The following IL1RAPL2 variants were observed in gnomAD, a reference collection of about 807,000 sequenced individuals.
IL1RAPL2 encodes the protein X-linked interleukin-1 receptor accessory protein-like 2.
In IL1RAPL2, 3 loss-of-function variants were observed where a neutral mutation model predicts 44.1. The ratio of observed to expected loss-of-function variants is 0.07; its 90% CI spans 0.03 to 0.18. The LOEUF is 0.18. IL1RAPL2 is among the 10% of genes least tolerant of loss of function. The pLI, the probability that IL1RAPL2 is intolerant of heterozygous loss-of-function variation, is 1.00. For synonymous variants in IL1RAPL2, 181 were observed against 178.8 expected, an observed-to-expected ratio of 1.01 and a Z score of -0.10; for missense variants, 391 against 496.4, an observed-to-expected ratio of 0.79 and a Z score of 2.02.
At chrX:105,363,657 A>C (rs757808896) in intron 5 of IL1RAPL2, among the ~76,000 whole-genome samples, 1 of 109,949 alleles carries the variant, frequency 9.1e-6, no homozygotes, top group Non-Finnish European at 1.9e-5. Context: ...GTGAAGTGAT[A>C]CCTCATTATG....
intron 1 of IL1RAPL2, among the ~76,000 whole-genome samples, chrX:104,571,635 A>C (rs1384038274): frequency 8.9e-6 from 1 of 112,170 alleles, no homozygotes; most frequent in Non-Finnish European, 1.9e-5. Flanking sequence ...CATGATTGTG[A>C]GGCCTCCCCA....
chrX:104,870,918 G>T (rs182671309), intron 2 of IL1RAPL2, among the ~76,000 whole-genome samples: 153 of 111,079 alleles, frequency 1.4e-3, no homozygotes, highest in South Asian at 2.7e-3. Context: ...TTATTGGTAA[G>T]TGACACCAGG....
chrX:105,723,091 T>C (rs1248585312), intron 7 of IL1RAPL2, among the ~76,000 whole-genome samples: 1 of 111,395 alleles, frequency 9.0e-6, no homozygotes, highest in East Asian at 2.8e-4. Flanking sequence ...CATTTTACCA[T>C]AGGCAATCCA....
At chrX:105,572,743 T>C (rs2037023827) in intron 6 of IL1RAPL2, among the ~76,000 whole-genome samples, 1 of 111,994 alleles carries the variant, frequency 8.9e-6, no homozygotes, top group Non-Finnish European at 1.9e-5. Flanking sequence ...TGCACTACAA[T>C]GGCAGTGTTG....
At chrX:104,956,563 G>T (rs913985354) in intron 2 of IL1RAPL2, among the ~76,000 whole-genome samples, 3 of 108,532 alleles carry the variant, frequency 2.8e-5, no homozygotes, top group African/African-American at 1.0e-4. Flanking sequence ...GCTTGAACCT[G>T]CGAGGTGGAG....
chrX:104,585,385 ATTATATATAATATATAAT>A (rs1314266011), intron 1 of IL1RAPL2, among the ~76,000 whole-genome samples: 510 of 27,763 alleles, frequency 0.018, 90 homozygotes, highest in African/African-American at 0.12. Context: ...TATAATATAT[ATTATATATAATATATAAT>A]ATATATATAA....
intron 2 of IL1RAPL2, among the ~76,000 whole-genome samples, chrX:104,829,452 G>A (rs1443742845): frequency 7.2e-5 from 8 of 111,687 alleles, no homozygotes; most frequent in African/African-American, 2.3e-4. Context: ...GCTCTCCATG[G>A]GCTGCACTCA....
chrX:105,000,840 C>T (rs1400248497), intron 2 of IL1RAPL2, among the ~76,000 whole-genome samples: 2 of 111,214 alleles, frequency 1.8e-5, no homozygotes, highest in Non-Finnish European at 3.8e-5. Context: ...TTATTAAAGA[C>T]AAGAATCTAT....
intron 2 of IL1RAPL2, among the ~76,000 whole-genome samples, chrX:104,966,960 C>CT (rs2147719083): frequency 8.9e-6 from 1 of 112,437 alleles, no homozygotes; most frequent in African/African-American, 3.2e-5. Flanking sequence ...AATAAGAGCT[C>CT]TTTTTTATCT....
chrX:105,023,250 TA>T (rs781664062), intron 2 of IL1RAPL2, among the ~76,000 whole-genome samples: 31 of 105,081 alleles, frequency 3.0e-4, no homozygotes, highest in East Asian at 1.2e-3. Context: ...AATGCTGGGT[TA>T]AAAAAAAAAG....
chrX:105,035,724 A>G (rs2147755916), intron 2 of IL1RAPL2, among the ~76,000 whole-genome samples: 1 of 112,644 alleles, frequency 8.9e-6, no homozygotes, highest in Non-Finnish European at 1.9e-5. Context: ...AAAAGGATTT[A>G]CTGGTCAAAG....
intron 2 of IL1RAPL2, among the ~76,000 whole-genome samples, chrX:104,879,365 TAAA>T (rs753494292): frequency 1.6e-4 from 5 of 31,028 alleles, no homozygotes; most frequent in African/African-American, 3.7e-4. Context: ...GCAAAACTAG[TAAA>T]AAAAAAAAAA....
chrX:105,722,683 C>T (rs1011991068), intron 7 of IL1RAPL2, among the ~76,000 whole-genome samples: 1 of 111,718 alleles, frequency 9.0e-6, no homozygotes. Flanking sequence ...GGATGCATGG[C>T]CCTTATTCAG....
intron 6 of IL1RAPL2, among the ~76,000 whole-genome samples, chrX:105,558,951 C>T (rs933372703): frequency 1.8e-5 from 2 of 111,771 alleles, no homozygotes; most frequent in Non-Finnish European, 3.8e-5. Flanking sequence ...GGCATAGATT[C>T]CACTCTATGT....
intron 2 of IL1RAPL2, among the ~76,000 whole-genome samples, chrX:105,116,036 C>T (rs2032855701): frequency 1.8e-5 from 2 of 113,317 alleles, no homozygotes; most frequent in African/African-American, 6.4e-5. Context: ...CCACCCAGAA[C>T]TTGCGCTGGC....
chrX:105,103,835 GA>G (rs2032702344), intron 2 of IL1RAPL2, among the ~76,000 whole-genome samples: 1 of 111,854 alleles, frequency 8.9e-6, no homozygotes, highest in African/African-American at 3.3e-5. Flanking sequence ...AGTCATCCAT[GA>G]AGATTATTTC....
intron 5 of IL1RAPL2, among the ~76,000 whole-genome samples, chrX:105,358,266 C>T (rs1416982004): frequency 9.1e-6 from 1 of 109,402 alleles, no homozygotes; most frequent in East Asian, 2.8e-4. Flanking sequence ...TTTTTTCCTA[C>T]ACGTTTTTCC....
intron 6 of IL1RAPL2, among the ~76,000 whole-genome samples, chrX:105,684,417 C>A (rs1006035106): frequency 1.8e-5 from 2 of 112,740 alleles, no homozygotes; most frequent in Non-Finnish European, 3.8e-5. Context: ...GCCCATGGAG[C>A]CTTGCTCACT....
intron 2 of IL1RAPL2, among the ~76,000 whole-genome samples, chrX:104,917,619 C>G (rs1262755826): frequency 9.0e-6 from 1 of 111,715 alleles, no homozygotes; most frequent in East Asian, 2.8e-4. Flanking sequence ...GCCCTAATTC[C>G]CAAACCTAGA....
Sources: allele counts gnomAD v4.1 joint callset (sites outside exome capture counted in the v4.1 genomes callset), GRCh38; gene constraint gnomAD v4.1.1; transcripts MANE v1.5; gene names NCBI Gene and HGNC (gene_info 2026-07-23, HGNC 2026-07-21).